The following FAM135B variants were observed in gnomAD, a reference collection of about 807,000 sequenced individuals.
The protein encoded by FAM135B is protein FAM135B.
In FAM135B, 43 loss-of-function variants were observed where a neutral mutation model predicts 127.7. The ratio of observed to expected loss-of-function variants is 0.34; its 90% CI spans 0.26 to 0.43. FAM135B has a LOEUF of 0.43. FAM135B is among the 20% of genes least tolerant of loss of function. FAM135B has a pLI of 1.00. For missense variants in FAM135B, 1,558 were observed against 1,725.6 expected (o/e 0.90, Z 1.72); for synonymous variants, 670 against 665.1 (o/e 1.01, Z -0.11).
chr8:138,274,319 A>T (rs1586940480), intron 3 of FAM135B, among the ~76,000 whole-genome samples: 1 of 152,326 alleles, frequency 6.6e-6, no homozygotes, highest in East Asian at 1.9e-4. Context: ...AGGTTCCGTG[A>T]TGCCCCACAA....
chr8:138,479,892 T>C (rs986158773), intron 1 of FAM135B, among the ~76,000 whole-genome samples: 5 of 152,228 alleles, frequency 3.3e-5, no homozygotes, highest in Non-Finnish European at 5.9e-5. Flanking sequence ...ATGATATCCC[T>C]GTGCACCTAA....
intron 3 of FAM135B, among the ~76,000 whole-genome samples, chr8:138,287,819 C>G (rs1586973620): frequency 1.3e-5 from 2 of 150,486 alleles, no homozygotes; most frequent in East Asian, 3.9e-4. Flanking sequence ...TACGGACAGA[C>G]TGTGTTAAAG....
At chr8:138,285,127 TCTA>T (rs1328306002) in intron 3 of FAM135B, among the ~76,000 whole-genome samples, 1 of 142,212 alleles carries the variant, frequency 7.0e-6, no homozygotes. Flanking sequence ...ATATATTGGC[TCTA>T]CTAATTTTTT....
intron 6 of FAM135B, among the ~76,000 whole-genome samples, chr8:138,247,401 G>A (rs1056845752): frequency 2.0e-5 from 3 of 152,182 alleles, no homozygotes; most frequent in African/African-American, 7.2e-5. Context: ...TCTTGTGATA[G>A]TGAGTGAGTG....
intron 7 of FAM135B, among the ~76,000 whole-genome samples, chr8:138,214,957 G>C (rs1359966071): frequency 6.6e-6 from 1 of 152,184 alleles, no homozygotes; most frequent in Non-Finnish European, 1.5e-5. Flanking sequence ...AGTGGAAGAA[G>C]GGGAAGAGGC....
chr8:138,278,130 G>C (rs971523698), intron 3 of FAM135B, among the ~76,000 whole-genome samples: 15 of 151,946 alleles, frequency 9.9e-5, no homozygotes, highest in Admixed American at 7.2e-4. Flanking sequence ...ACGTTGATGT[G>C]ACAATAAATG....
intron 7 of FAM135B, among the ~76,000 whole-genome samples, chr8:138,200,754 T>C (rs112136339): frequency 0.015 from 2,271 of 152,336 alleles, 33 homozygotes; most frequent in Middle Eastern, 0.027. Context: ...GACACACTTA[T>C]AAGTTGGAGA....
intron 7 of FAM135B, among the ~76,000 whole-genome samples, chr8:138,234,136 T>G (rs1308495444): frequency 6.6e-6 from 1 of 152,198 alleles, no homozygotes; most frequent in Non-Finnish European, 1.5e-5. Context: ...TGCTGACTTT[T>G]GCATTAAAAG....
chr8:138,212,585 T>C (rs987836916), intron 7 of FAM135B, among the ~76,000 whole-genome samples: 3 of 152,234 alleles, frequency 2.0e-5, no homozygotes, highest in African/African-American at 7.2e-5. Context: ...AGACAGCAGA[T>C]TCTTTAATTA....
In FAM135B at chr8:138,378,846, T is replaced by C. The variant is rs1332198640; in HGVS notation, c.-19-10844A>G. On this transcript the variant is annotated intron_variant, in intron 1 of 19. Transcript: ENST00000395297. ...CCTTAGCTTAGGCAGCATTTTAAAA[T>C]CCAGGCTTGCAGGCACATAAGATTT... is the stretch of plus-strand genomic sequence containing the variant. Among the ~76,000 whole-genome samples, 3 of 152,118 alleles carry C rather than the reference T, an allele frequency of 2.0e-5. No individual in the cohort carries two copies. The East Asian group carries it at 5.8e-4, about 29-fold the overall frequency.
chr8:138,430,977 C>A (rs1260951968), intron 1 of FAM135B, among the ~76,000 whole-genome samples: 2 of 152,108 alleles, frequency 1.3e-5, no homozygotes, highest in Non-Finnish European at 2.9e-5. Context: ...AGCTTAATAT[C>A]ATGCCCACAC....
intron 3 of FAM135B, among the ~76,000 whole-genome samples, chr8:138,305,332 C>T (rs796470372): frequency 1.3e-5 from 2 of 152,106 alleles, no homozygotes; most frequent in Non-Finnish European, 1.5e-5. Flanking sequence ...CAGCCTCACT[C>T]GACTTGAACA....
At chr8:138,237,121 G>A (rs939812862) in intron 7 of FAM135B, among the ~76,000 whole-genome samples, 15 of 150,306 alleles carry the variant, frequency 1.0e-4, no homozygotes, top group Non-Finnish European at 1.8e-4. Flanking sequence ...AGAACAGGGT[G>A]CACCTCACTC....
intron 1 of FAM135B, among the ~76,000 whole-genome samples, chr8:138,413,224 T>TA (rs980713575): frequency 7.2e-5 from 11 of 152,136 alleles, no homozygotes; most frequent in Non-Finnish European, 1.0e-4. Flanking sequence ...CACTCTCCTG[T>TA]AACTCCTTCC....
chr8:138,205,915 T>C (rs4909754), intron 7 of FAM135B, among the ~76,000 whole-genome samples: 126,396 of 151,744 alleles, frequency 0.83, 53,333 homozygotes, highest in African/African-American at 0.96. Flanking sequence ...CAGGTATCTG[T>C]TCCATTATGC....
intron 1 of FAM135B, among the ~76,000 whole-genome samples, chr8:138,483,369 C>T (rs1488898791): frequency 6.6e-6 from 1 of 152,212 alleles, no homozygotes; most frequent in Non-Finnish European, 1.5e-5. Context: ...CGTGTTACCA[C>T]ACAACCCACA....
At chr8:138,156,561 AAGAAG>A in intron 12 of FAM135B, among the ~76,000 whole-genome samples, 1 of 152,184 alleles carries the variant, frequency 6.6e-6, no homozygotes, top group African/African-American at 2.4e-5. Context: ...AAGACTAATA[AAGAAG>A]AAAAGAGAGA....
Position 138,178,639 on chromosome 8 carries a change from A to G in FAM135B, c.925T>C (p.Trp309Arg), listed in dbSNP as rs778199704. 1 of 1,614,146 alleles carries G rather than the reference A, an allele frequency of 6.2e-7. No homozygotes were observed. The highest frequency in any genetic ancestry group is 8.5e-7 in the Non-Finnish European group (1 of 1,180,016). The part of the protein sequence containing the change: ...IAEQISKDLA[W>R]LTSHMMTLWT... ...AGAGTCATCATGTGGGACGTGAGCC[A>G]GGCCAGATCCTTGCTTATCTGCTCA... Residue 309 changes from tryptophan (W) to arginine (R), a missense_variant, in exon 10 of 20, where the codon TGG becomes CGG. By Grantham distance (101) the Trp-to-Arg change is moderately radical. Transcript: ENST00000395297.
intron 1 of FAM135B, chr8:138,450,508 TG>T (rs1420042093): frequency 1.3e-5 from 2 of 152,202 alleles, no homozygotes; most frequent in Non-Finnish European, 2.9e-5. Context: ...TGCCAGCATT[TG>T]GTGGTGTTGA....
Sources: gnomAD v4.1 joint callset for allele counts (sites outside exome capture counted in the v4.1 genomes callset) on GRCh38, gnomAD v4.1.1 for gene constraint, MANE v1.5 for transcripts, NCBI Gene and HGNC (gene_info 2026-07-23, HGNC 2026-07-21) for gene names.